MYH7: variants seen among roughly 807,000 people sequenced by gnomAD.
MYH7 encodes the protein myosin heavy chain 7.
In MYH7, 129 loss-of-function variants were observed where a neutral mutation model predicts 225.4. The ratio of observed to expected loss-of-function variants is 0.57; its 90% confidence interval spans 0.50 to 0.66. MYH7 has a LOEUF of 0.66. Ranked by LOEUF, MYH7 falls within the 30% of genes least tolerant of loss-of-function variation. The pLI, the probability that MYH7 is intolerant of heterozygous loss-of-function variation, is 0.00. For synonymous variants in MYH7, 971 were observed against 1,007.6 expected (o/e 0.96, Z 0.69); for missense variants, 1,649 against 2,517.0 (o/e 0.66, Z 7.38).
intron 38 of MYH7, 30 bp downstream of exon 38, chr14:23,413,977 C>G: frequency 6.2e-7 from 1 of 1,614,122 alleles, no homozygotes; most frequent in African/African-American, 1.3e-5. Flanking sequence ...TATGCCTCCC[C>G]TGGGCCTAGT....
rs548509534 is a variant in MYH7, at chr14:23,428,795, A to C, written c.1408-125T>G. 890 of 1,576,530 alleles carry C rather than the reference A, an allele frequency of 5.6e-4. 7 individuals are homozygous for C. Among genetic ancestry groups the C allele is most frequent in the Non-Finnish European group, 1.5e-4 (172 of 1,158,150 alleles). On this transcript the variant is annotated intron_variant, in intron 14 of 39. Coordinates refer to ENST00000355349, the MANE Select transcript of MYH7 (RefSeq NM_000257.4). ...GGTCCCCTCCATGTCAAGGCAGTGA[A>C]GGAGGGCTTCCCCTGAAGACAGAGA...
At chr14:23,429,444 G>A (rs1892833102) in intron 12 of MYH7, 97 bp from the exon 13 acceptor site, 1 of 1,234,634 alleles carries the variant, frequency 8.1e-7, no homozygotes, top group Non-Finnish European at 1.2e-6. Flanking sequence ...GGGAGGCCAA[G>A]GCAGGCGGAT....
In MYH7 at chr14:23,418,142, G is replaced by A. The variant is rs1281170885; in HGVS notation, c.4169+68C>T. 3.1e-6 allele frequency: 5 copies of A among 1,609,724 alleles called. No homozygotes were observed. The Admixed American group carries it at 6.7e-5, about 21-fold the overall frequency. ...GCATCGCCTGTGTGGGATCTGCTGA[G>A]GCTGGGGCTGGGCTGAGTCCTGCCT... On this transcript the variant is annotated intron_variant, in intron 30 of 39. Transcript: ENST00000355349.
chr14:23,421,461 T>G (rs1362309602), intron 25 of MYH7, among the ~76,000 whole-genome samples: 1 of 152,236 alleles, frequency 6.6e-6, no homozygotes, highest in East Asian at 1.9e-4. Context: ...AAAGATACCA[T>G]CCTTAAAAGG....
In MYH7 at chr14:23,418,397, C is replaced by A; in HGVS notation, c.3982G>T (p.Ala1328Ser). 1 of 1,606,482 alleles carries A rather than the reference C, an allele frequency of 6.2e-7. No homozygotes were observed. Among genetic ancestry groups the A allele is most frequent in the South Asian group, 1.1e-5 (1 of 90,824 alleles). Residue 1328 changes from alanine to serine, a missense_variant, in exon 30 of 40, where the codon GCC becomes TCC. Physicochemically the swap from Ala to Ser is moderately conservative, Grantham distance 99. Around this residue, in one of 12 missense-constraint regions of MYH7, gnomAD observed 687 missense variants for 913.8 expected, o/e 0.75. Transcript: ENST00000355349. ...QLEEEVKAKNALAHALQSARH... is the reference protein window; with the variant it reads ...QLEEEVKAKNSLAHALQSARH... ...GCCGACTGCAGTGCGTGGGCCAGGGCGTTCTTCGCCTGGGGAGGGGTGGGC... is the reference window on the plus strand; with the variant it reads ...GCCGACTGCAGTGCGTGGGCCAGGGAGTTCTTCGCCTGGGGAGGGGTGGGC...
chr14:23,420,549 C>T (rs1342845494), intron 26 of MYH7, among the ~76,000 whole-genome samples: 2 of 152,158 alleles, frequency 1.3e-5, no homozygotes, highest in South Asian at 2.1e-4. Flanking sequence ...ATGAGAGAGC[C>T]GTATTTGTCT....
chr14:23,434,196 G>T lies in MYH7; in HGVS notation c.-11C>A. On this transcript the variant is annotated splice_region_variant and 5_prime_UTR_variant, in exon 2 of 40. Transcript: ENST00000355349. ...ACTCTAGCTTCAGCTTTTCTTACCT[G>T]GGCTACTCAAGTGTGTCTACAGATG... 2 of 1,060,654 alleles carry T rather than the reference G, an allele frequency of 1.9e-6. No individual in the cohort carries two copies. The highest frequency in any genetic ancestry group is 2.3e-6 in the Non-Finnish European group (2 of 875,246). The allele number at this position is 1,060,654 out of a possible 1,614,324, so 65.7% of individuals were successfully genotyped here. A position where few individuals can be genotyped will look rare whatever the true frequency, so the allele number is the denominator to read the frequency against.
In MYH7 at chr14:23,434,220, T is replaced by G; in HGVS notation, c.-35A>C. On this transcript the variant is annotated 5_prime_UTR_variant, in exon 2 of 40. Coordinates refer to ENST00000355349, the MANE Select transcript of MYH7 (RefSeq NM_000257.4). The stretch of plus-strand genomic sequence containing the variant: ...TGGGCTACTCAAGTGTGTCTACAGA[T>G]GAGGAAAGGGGCCAAGGCCTGCAGG... The G allele has an allele frequency of 4.9e-6, 5 of 1,028,898 alleles. No individual in the cohort carries two copies. Among genetic ancestry groups the G allele is most frequent in the Non-Finnish European group, 5.8e-6 (5 of 855,404 alleles). 63.7% of individuals were successfully genotyped at this position (1,028,898 alleles called of 1,614,324 possible).
chr14:23,422,738 A>T (rs1162555465), intron 24 of MYH7, among the ~76,000 whole-genome samples: 1 of 144,204 alleles, frequency 6.9e-6, no homozygotes, highest in African/African-American at 2.6e-5. Flanking sequence ...TCAAGGGATT[A>T]TTCTGCCTCA....
In MYH7 at chr14:23,431,500, G is replaced by A; in HGVS notation, c.733-19C>T. 1 of 1,614,090 alleles carries A rather than the reference G, an allele frequency of 6.2e-7. No individual in the cohort carries two copies. The highest frequency in any genetic ancestry group is 8.5e-7 in the Non-Finnish European group (1 of 1,179,912). On this transcript the variant is annotated intron_variant, in intron 8 of 39. Coordinates refer to ENST00000355349, the MANE Select transcript of MYH7 (RefSeq NM_000257.4). ...ATTTCCCCTGGAGAGATGGAAGAGA[G>A]TGGTGATGAGTTGGGGGAAGGCTCA...
chr14:23,429,102 C>A lies in MYH7; in HGVS notation c.1260G>T (p.Val420=). The part of the protein sequence containing the change: ...YVTKGQNVQQ[V]IYATGALAKA... ...TGGCCAGTGCCCCAGTGGCATATAT[C>A]ACCTGCAAGGTGGAGGAGAGACCCA... Residue 420 remains valine, a splice_region_variant and synonymous_variant, in exon 14 of 40, where the codon GTG becomes GTT. Transcript: ENST00000355349. The A allele has an allele frequency of 6.2e-7, 1 of 1,614,236 alleles. No homozygotes were observed. Among genetic ancestry groups the A allele is most frequent in the Non-Finnish European group, 8.5e-7 (1 of 1,180,044 alleles).
rs1892400248 is a variant in MYH7 at position 23,419,914 on chromosome 14, C to T, written c.3657G>A (p.Lys1219=). The change falls in exon 27 of 40, where the codon AAG becomes AAA. Residue 1219 remains lysine, a synonymous_variant. Transcript: ENST00000355349. ...NLQRVKQKLE[K]EKSEFKLELD... ...GCTCCAGCTTGAACTCGCTCTTCTC[C>T]TTCTCCAGCTTCTGCTTCACCCGCT... 2 of 1,612,772 alleles carry T rather than the reference C, an allele frequency of 1.2e-6. No individual in the cohort carries two copies. The highest frequency in any genetic ancestry group is 2.2e-5 in the South Asian group (2 of 91,028).
rs113038984 is a variant in MYH7, at chr14:23,422,179, C to T, written c.3245+1G>A. Reference sequence around the variant, plus strand: ...AGGGCAGCAGGGAGGGGACACAGTACTTTTTCAGCCGCTCATCCAGCTGCT... The same window carrying T: ...AGGGCAGCAGGGAGGGGACACAGTATTTTTTCAGCCGCTCATCCAGCTGCT... On this transcript the variant is annotated splice_donor_variant, in intron 25 of 39. Transcript: ENST00000355349. LOFTEE classifies it high-confidence loss of function. 1.2e-6 allele frequency: 2 copies of T among 1,612,724 alleles called. No individual in the cohort carries two copies. Among genetic ancestry groups the T allele is most frequent in the Non-Finnish European group, 1.7e-6 (2 of 1,180,004 alleles).
At chr14:23,421,110 G>T in intron 25 of MYH7, 62 bp from the exon 26 acceptor site, 1 of 1,257,646 alleles carries the variant, frequency 8.0e-7, no homozygotes, top group Non-Finnish European at 1.2e-6. Context: ...GGGTCCACCA[G>T]TGGTTGAAAA....
rs1892744406 is a variant in MYH7 at position 23,427,611 on chromosome 14, A to G, written c.1862T>C (p.Phe621Ser). The G allele has an allele frequency of 6.2e-7, 1 of 1,614,054 alleles. No homozygotes were observed. ...CGCATCAGCCCCAGCATAGTTGGCA[A>G]ACAGGGTGCTGAGCAGCTTGAGGGA... The part of the protein sequence containing the change: ...KSSLKLLSTL[F>S]ANYAGADAPI... The change falls in exon 16 of 40, where the codon TTT becomes TCT. Residue 621 changes from phenylalanine to serine, a missense_variant. This residue lies in a region of MYH7 where 112 missense variants were observed against 161.9 expected (regional missense o/e 0.69). Coordinates refer to ENST00000355349, the MANE Select transcript of MYH7 (RefSeq NM_000257.4).
rs397516192 is a variant in MYH7, at chr14:23,419,602, A to T, written c.3734T>A (p.Leu1245Gln). ...MEQIIKAKAN[L>Q]EKMCRTLEDQ... ...TTCCAAGGTCCGGCACATCTTCTCCAGGTTAGCCTGAGAAGGGAAGGAGAG... is the reference window on the plus strand; with the variant it reads ...TTCCAAGGTCCGGCACATCTTCTCCTGGTTAGCCTGAGAAGGGAAGGAGAG... The change falls in exon 28 of 40, where the codon CTG (leucine) becomes CAG (glutamine). Residue 1245 changes from leucine (L) to glutamine (Q), a missense_variant. Physicochemically the swap from Leu to Gln is moderately radical, Grantham distance 113 (BLOSUM62 -2). Transcript: ENST00000355349. 2.2e-5 allele frequency: 35 copies of T among 1,605,040 alleles called. No homozygotes were observed. Among genetic ancestry groups the T allele is most frequent in the Non-Finnish European group, 2.9e-5 (34 of 1,175,632 alleles).
chr14:23,431,498 G>A lies in MYH7; in HGVS notation c.733-17C>T, dbSNP rs538614117. The stretch of plus-strand genomic sequence containing the variant: ...GAATTTCCCCTGGAGAGATGGAAGA[G>A]AGTGGTGATGAGTTGGGGGAAGGCT... On this transcript the variant is annotated splice_polypyrimidine_tract_variant and intron_variant, in intron 8 of 39. Transcript: ENST00000355349. The A allele has an allele frequency of 6.2e-7, 1 of 1,614,076 alleles. No individual in the cohort carries two copies. Among genetic ancestry groups the A allele is most frequent in the South Asian group, 1.1e-5 (1 of 91,088 alleles).
In MYH7 at chr14:23,432,713, C is replaced by T. The variant is rs397516209; in HGVS notation, c.428G>A (p.Arg143Gln). 3.7e-6 allele frequency: 6 copies of T among 1,613,968 alleles called. No individual in the cohort carries two copies. The highest frequency in any genetic ancestry group is 4.2e-6 in the Non-Finnish European group (5 of 1,180,030). ...VYTPEVVAAY[R>Q]GKKRSEAPPH... Reference sequence around the variant, plus strand: ...CGGGGCCTCGCTCCTCTTCTTGCCCCGGTAGGCAGCCACCACCTCAGGAGT... The same window carrying T: ...CGGGGCCTCGCTCCTCTTCTTGCCCTGGTAGGCAGCCACCACCTCAGGAGT... Residue 143 changes from arginine to glutamine, a missense_variant, in exon 5 of 40, where the codon CGG (arginine) becomes CAG (glutamine). Coordinates refer to ENST00000355349, the MANE Select transcript of MYH7 (RefSeq NM_000257.4).
rs1892145152 is a variant in MYH7 at position 23,415,320 on chromosome 14, T to C, written c.5284-50A>G. ...ATGGTCTGGTCAAGTCCTCACACACTTGCTGCCCAGCCCACGGAGAGACAC... is the reference window on the plus strand; with the variant it reads ...ATGGTCTGGTCAAGTCCTCACACACCTGCTGCCCAGCCCACGGAGAGACAC... On this transcript the variant is annotated intron_variant, in intron 36 of 39. Transcript: ENST00000355349. This position sits in a 1 kb window ranked among gnomAD's most constrained non-coding sequence, Gnocchi z 6.3. The C allele has an allele frequency of 6.2e-7, 1 of 1,614,072 alleles. No homozygotes were observed. The highest frequency in any genetic ancestry group is 8.5e-7 in the Non-Finnish European group (1 of 1,180,034).
Sources: gnomAD v4.1 joint callset for allele counts (sites outside exome capture counted in the v4.1 genomes callset) on GRCh38, gnomAD v4.1.1 for gene constraint, gnomAD v4.1.1 regional missense constraint, Gnocchi (gnomAD v3.1) non-coding constraint, MANE v1.5 for transcripts, NCBI Gene and HGNC (gene_info 2026-07-23, HGNC 2026-07-21) for gene names.